The following TFE3 variants were observed in gnomAD, a reference collection of about 807,000 sequenced individuals.
TFE3 encodes the protein transcription factor binding to IGHM enhancer 3.
A neutral mutation model predicts 35.0 loss-of-function variants in TFE3; 5 were observed. The ratio of observed to expected loss-of-function variants is 0.14; its 90% CI spans 0.07 to 0.30. TFE3 has a LOEUF of 0.30. Among genes scored for constraint, TFE3 ranks in the 10% least tolerant of loss-of-function variants. The pLI, the probability that TFE3 is intolerant of heterozygous loss-of-function variation, is 1.00. For missense variants in TFE3, 374 were observed against 496.6 expected, an observed-to-expected ratio of 0.75 and a Z score of 2.35; for synonymous variants, 211 against 215.6, an observed-to-expected ratio of 0.98 and a Z score of 0.18.
At chrX:49,034,833 C>G (rs191754528) in intron 5 of TFE3, among the ~76,000 whole-genome samples, 6 of 112,603 alleles carry the variant, frequency 5.3e-5, no homozygotes, top group Non-Finnish European at 7.5e-5. Context: ...GTACCATCTT[C>G]CACATCAGGG....
In TFE3 at chrX:49,038,127, G is replaced by A. The variant is rs376385160; in HGVS notation, c.781-13C>T. ...TGACATCATCAATCTAGGGGAAGAA[G>A]TAAATATTATACAGGTTTAGAAGAA... On this transcript the variant is annotated splice_polypyrimidine_tract_variant and intron_variant, in intron 4 of 9. Coordinates refer to ENST00000315869, the MANE Select transcript of TFE3 (RefSeq NM_006521.6). 27 of 1,209,839 alleles carry A rather than the reference G, an allele frequency of 2.2e-5. No individual in the cohort carries two copies. In the African/African-American group the frequency reaches 4.5e-4, roughly 20 times the overall value.
At position 49,028,778 on chromosome X, in the gene TFE3, AC is replaced by A. The variant is rs2064681409; in HGVS notation, c.*1379del. The A allele has an allele frequency of 1.2e-5, 2 of 166,557 alleles. No homozygotes were observed. The highest frequency in any genetic ancestry group is 1.7e-4 in the East Asian group (2 of 11,539). The allele number at this position is 166,557 out of a possible 1,213,427, so 13.7% of individuals were successfully genotyped here. A position where few individuals can be genotyped will look rare whatever the true frequency, so the allele number is the denominator to read the frequency against. ...ACGCCTAGCTTTTATTATTTTAATC[AC>A]AAACCTATAGACCCCTCAGTATACC... On this transcript the variant is annotated 3_prime_UTR_variant, in exon 10 of 10. Coordinates refer to ENST00000315869, the MANE Select transcript of TFE3 (RefSeq NM_006521.6).
intron 1 of TFE3, 25 bp downstream of exon 1, chrX:49,043,086 C>A: frequency 8.8e-7 from 1 of 1,130,366 alleles, no homozygotes. Flanking sequence ...CCAGTCGGCA[C>A]TCCCAGCCCC....
At chrX:49,039,714 G>GT (rs2064750176) in intron 2 of TFE3, 1 of 231,731 alleles carries the variant, frequency 4.3e-6, no homozygotes, top group Non-Finnish European at 7.7e-6. Flanking sequence ...AGCTCTGCAA[G>GT]GGGGGGTTTG....
rs1557073550 is a variant in TFE3 at position 49,030,489 on chromosome X, A to G, written c.1397T>C (p.Ile466Thr). Reference sequence around the variant, plus strand: ...TGCGCCTGGCCTGCCCTCCTCCTCAATGTCCAGCTGCTCTGGCTTGAGGCT... The same window carrying G: ...TGCGCCTGGCCTGCCCTCCTCCTCAGTGTCCAGCTGCTCTGGCTTGAGGCT... ...SDSLKPEQLD[I>T]EEEGRPGAAT... Residue 466 changes from isoleucine (I) to threonine (T), a missense_variant, in exon 10 of 10, where the codon ATT becomes ACT. Around this residue, in one of 3 missense-constraint regions of TFE3, gnomAD observed 117 missense variants for 111.9 expected, o/e 1.05. Transcript: ENST00000315869. 2 of 1,211,413 alleles carry G rather than the reference A, an allele frequency of 1.7e-6. No homozygotes were observed. The highest frequency in any genetic ancestry group is 3.0e-5 in the East Asian group (1 of 33,826).
chrX:49,028,731 C>T lies in TFE3; in HGVS notation c.*1427G>A, dbSNP rs1557073061. Reference sequence around the variant, plus strand: ...AAAACAAGGACAGGAGACTCTTTGCCAAAGTTAAAAGCGCATCAAACACGC... The same window carrying T: ...AAAACAAGGACAGGAGACTCTTTGCTAAAGTTAAAAGCGCATCAAACACGC... On this transcript the variant is annotated 3_prime_UTR_variant, in exon 10 of 10. Transcript: ENST00000315869. The T allele has an allele frequency of 6.3e-6, 1 of 158,800 alleles. No homozygotes were observed. The highest frequency in any genetic ancestry group is 9.4e-5 in the East Asian group (1 of 10,644). 13.1% of individuals were successfully genotyped at this position (158,800 alleles called of 1,213,427 possible).
chrX:49,032,665 C>G (rs1557073954), intron 8 of TFE3, among the ~76,000 whole-genome samples: 1 of 109,918 alleles, frequency 9.1e-6, no homozygotes, highest in Non-Finnish European at 1.9e-5. Context: ...GCCACTGCAC[C>G]CGGCCATCTT....
intron 7 of TFE3, 92 bp from the exon 8 acceptor site, chrX:49,033,632 C>T: frequency 8.5e-7 from 1 of 1,180,107 alleles, no homozygotes; most frequent in Non-Finnish European, 1.2e-6. Flanking sequence ...AGTTGGGAGG[C>T]TGTTGCAGGG....
intron 6 of TFE3, 33 bp downstream of exon 6, chrX:49,034,101 G>A: frequency 8.8e-7 from 1 of 1,129,997 alleles, no homozygotes; most frequent in Non-Finnish European, 1.2e-6. Flanking sequence ...GGGGTAAAGT[G>A]TAGGGCCATG....
chrX:49,038,500 G>A (rs2081364270), intron 3 of TFE3, 58 bp from the exon 4 acceptor site: 3 of 1,157,139 alleles, frequency 2.6e-6, no homozygotes, highest in African/African-American at 3.5e-5. Flanking sequence ...GACTCAAAGG[G>A]GTGAATTCTG....
At chrX:49,035,446 A>G (rs1337471762) in intron 5 of TFE3, among the ~76,000 whole-genome samples, 1 of 63,753 alleles carries the variant, frequency 1.6e-5, no homozygotes, top group Non-Finnish European at 2.6e-5. Flanking sequence ...TCGTTCTGTC[A>G]CCCAGGCTGG....
chrX:49,033,647 A>T lies in TFE3; in HGVS notation c.1060+79T>A, dbSNP rs2064712050. On this transcript the variant is annotated intron_variant, in intron 7 of 9. Transcript: ENST00000315869. ...AGTTGGGAGGCTGTTGCAGGGAAGGAGTTCCCCATGGGGGGCCAGGACTCG... is the reference window on the plus strand; with the variant it reads ...AGTTGGGAGGCTGTTGCAGGGAAGGTGTTCCCCATGGGGGGCCAGGACTCG... 2.5e-6 allele frequency: 3 copies of T among 1,184,747 alleles called. No individual in the cohort carries two copies. The Admixed American group carries it at 6.6e-5, about 26-fold the overall frequency.
chrX:49,040,647 GAGA>G (rs1180556800), intron 1 of TFE3, 79 bp from the exon 2 acceptor site: 2 of 718,192 alleles, frequency 2.8e-6, no homozygotes, highest in African/African-American at 4.3e-5. Context: ...CAGAGAAAGA[GAGA>G]GAGAGGGGGG....
At chrX:49,037,699 G>GAA (rs781913450) in intron 5 of TFE3, 427 of 95,339 alleles carry the variant, frequency 4.5e-3, no homozygotes, top group African/African-American at 5.8e-3. Flanking sequence ...ACTCCGTCTC[G>GAA]AAAAAAAAAA....
intron 5 of TFE3, among the ~76,000 whole-genome samples, chrX:49,036,064 G>A (rs782337988): frequency 1.8e-5 from 2 of 110,126 alleles, no homozygotes; most frequent in South Asian, 7.7e-4. Context: ...CCAGTTACTT[G>A]GGAGGCTGAG....
chrX:49,041,466 T>A (rs2064760149), intron 1 of TFE3, among the ~76,000 whole-genome samples: 1 of 111,849 alleles, frequency 8.9e-6, no homozygotes. Context: ...TGCCTAAATA[T>A]AAAATAGAAA....
intron 9 of TFE3, 115 bp downstream of exon 9, chrX:49,031,282 A>G: frequency 2.4e-6 from 2 of 829,761 alleles, no homozygotes; most frequent in Non-Finnish European, 3.3e-6. Flanking sequence ...TGATCTGGGA[A>G]GCCCAGGGAT....
At position 49,028,757 on chromosome X, in the gene TFE3, C is replaced by T; in HGVS notation, c.*1401G>A. The T allele has an allele frequency of 6.1e-6, 1 of 165,092 alleles. No homozygotes were observed. Among genetic ancestry groups the T allele is most frequent in the South Asian group, 3.0e-4 (1 of 3,281 alleles). 13.6% of individuals were successfully genotyped at this position (165,092 alleles called of 1,213,427 possible). ...AAAGTTAAAAGCGCATCAAACACGC[C>T]TAGCTTTTATTATTTTAATCACAAA... On this transcript the variant is annotated 3_prime_UTR_variant, in exon 10 of 10. Coordinates refer to ENST00000315869, the MANE Select transcript of TFE3 (RefSeq NM_006521.6).
intron 5 of TFE3, among the ~76,000 whole-genome samples, chrX:49,036,657 C>G (rs1557074820): frequency 9.1e-6 from 1 of 109,632 alleles, no homozygotes; most frequent in African/African-American, 3.3e-5. Flanking sequence ...CAAAAATTAG[C>G]CGGGCATGGG....
Sources: allele counts gnomAD v4.1 joint callset (sites outside exome capture counted in the v4.1 genomes callset), GRCh38; gene constraint gnomAD v4.1.1; regional missense constraint gnomAD v4.1.1; transcripts MANE v1.5; gene names NCBI Gene and HGNC (gene_info 2026-07-23, HGNC 2026-07-21).